The following TUT1 variants were observed in gnomAD, a reference collection of about 807,000 sequenced individuals.
TUT1 encodes the protein speckle targeted PIP5K1A-regulated poly(A) polymerase.
Under a neutral mutation model 48.8 loss-of-function variants are expected in TUT1, and 26 were observed. The observed-to-expected ratio is 0.53, with a 90% confidence interval of 0.39 to 0.74. The LOEUF (loss-of-function observed/expected upper bound fraction) is 0.74, where lower values mean the gene tolerates loss of function less well. TUT1 is among the 30% of genes least tolerant of loss of function. The probability of loss-of-function intolerance (pLI) is 0.00; values close to 1 mark genes in which losing one functional copy is unlikely to be tolerated. For missense variants in TUT1, 1,065 were observed against 1,114.8 expected (o/e 0.96, Z 0.64); for synonymous variants, 470 against 460.8 (o/e 1.02, Z -0.26).
chr11:62,586,930 C>G (rs1237887590), intron 2 of TUT1, among the ~76,000 whole-genome samples: 2 of 149,478 alleles, frequency 1.3e-5, no homozygotes, highest in East Asian at 2.0e-4. Context: ...GTCTCGAACT[C>G]CTGACCTTAG....
chr11:62,587,480 C>T (rs1347501538), intron 2 of TUT1, among the ~76,000 whole-genome samples: 1 of 152,148 alleles, frequency 6.6e-6, no homozygotes, highest in Non-Finnish European at 1.5e-5. Flanking sequence ...TGGACCTGGC[C>T]GACACTAACC....
In TUT1 at chr11:62,576,843, T is replaced by C. The variant is rs944215972; in HGVS notation, c.1381+64A>G. ...CATTCACAGAGCTGCTTGGTGTATC[T>C]AAGTGTGATGAAGAAGAGAGAGGAA... On this transcript the variant is annotated intron_variant, in intron 7 of 8. Coordinates refer to ENST00000476907, the MANE Select transcript of TUT1 (RefSeq NM_022830.3). The C allele has an allele frequency of 3.8e-6, 6 of 1,594,580 alleles. No homozygotes were observed. In the African/African-American group the frequency reaches 6.7e-5, roughly 18 times the overall value.
At chr11:62,587,387 G>A (rs1046497581) in intron 2 of TUT1, among the ~76,000 whole-genome samples, 5 of 152,038 alleles carry the variant, frequency 3.3e-5, no homozygotes, top group African/African-American at 9.7e-5. Context: ...CTCCATGTTG[G>A]TCAGGCTGAT....
At chr11:62,576,604 C>A (rs1402990832) in intron 8 of TUT1, 53 bp downstream of exon 8, 2 of 1,468,876 alleles carry the variant, frequency 1.4e-6, no homozygotes, top group Admixed American at 1.7e-5. Context: ...ATATATGTTA[C>A]CTACTGTTGA....
At chr11:62,581,042 G>A (rs1360284639) in intron 4 of TUT1, 64 bp downstream of exon 4, 2 of 1,287,748 alleles carry the variant, frequency 1.6e-6, no homozygotes, top group South Asian at 1.2e-5. Context: ...TAAAGGACTT[G>A]CCCACAGTCA....
intron 2 of TUT1, among the ~76,000 whole-genome samples, chr11:62,582,848 G>C (rs983487439): frequency 1.3e-4 from 20 of 151,318 alleles, no homozygotes; most frequent in African/African-American, 4.8e-4. Flanking sequence ...AATTCATGCA[G>C]CTGGGTGCAG....
chr11:62,589,252 C>A (rs773964886), intron 1 of TUT1, 31 bp from the exon 2 acceptor site: 14 of 1,607,348 alleles, frequency 8.7e-6, no homozygotes, highest in Non-Finnish European at 1.1e-5. Flanking sequence ...CAAAAACATG[C>A]AAAGCACTCT....
chr11:62,591,429 G>A lies in TUT1; in HGVS notation c.57C>T (p.Cys19=). 1 of 1,604,012 alleles carries A rather than the reference G, an allele frequency of 6.2e-7. No homozygotes were observed. Among genetic ancestry groups the A allele is most frequent in the Non-Finnish European group, 8.5e-7 (1 of 1,175,498 alleles). The change falls in exon 1 of 9, where the codon TGC becomes TGT. Residue 19 remains cysteine (C), a synonymous_variant. Coordinates refer to ENST00000476907, the MANE Select transcript of TUT1 (RefSeq NM_022830.3). ...ESLPRGGFRC[C]LCHVTTANRP... ...GGTTGGCTGTAGTAACGTGGCAGAG[G>A]CAGCAGCGGAACCCCCCACGCGGCA...
chr11:62,591,482 C>T lies in TUT1; in HGVS notation c.4G>A (p.Ala2Thr). MAAVDSDVESLP... is the reference protein window; with the variant it reads MTAVDSDVESLP... ...GATTCGACATCCGAATCCACCGCCG[C>T]CATAGCGACTCTCCTGTACCGACAA... Residue 2 changes from alanine (A) to threonine (T), a missense_variant, in exon 1 of 9, where the codon GCG (alanine) becomes ACG (threonine). Ala to Thr is a moderately conservative substitution (Grantham distance 58, BLOSUM62 0). Transcript: ENST00000476907. 2 of 1,611,830 alleles carry T rather than the reference C, an allele frequency of 1.2e-6. No homozygotes were observed. The highest frequency in any genetic ancestry group is 1.7e-6 in the Non-Finnish European group (2 of 1,178,970).
In TUT1 at chr11:62,591,338, C is replaced by T. The variant is rs558555050; in HGVS notation, c.82+66G>A. 46 of 1,492,528 alleles carry T rather than the reference C, an allele frequency of 3.1e-5. 1 individual carries two copies. The South Asian group carries it at 6.3e-4, about 20-fold the overall frequency. 92.5% of individuals were successfully genotyped at this position (1,492,528 alleles called of 1,614,324 possible). ...AACGACTGACTACCTATAACCCTAA[C>T]TTTCGCCAGGATCAAAAGACGAAAG... On this transcript the variant is annotated intron_variant, in intron 1 of 8. Transcript: ENST00000476907.
intron 2 of TUT1, among the ~76,000 whole-genome samples, chr11:62,582,129 C>T (rs1206630662): frequency 5.3e-5 from 8 of 152,012 alleles, no homozygotes; most frequent in Admixed American, 5.2e-4. Flanking sequence ...ATTACAGGCA[C>T]ATGCCACCAT....
In TUT1 at chr11:62,577,005, AG is replaced by A; in HGVS notation, c.1282del (p.Leu428PhefsTer7). The A allele has an allele frequency of 4.3e-6, 7 of 1,614,008 alleles. No individual in the cohort carries two copies. Among genetic ancestry groups the A allele is most frequent in the Non-Finnish European group, 5.9e-6 (7 of 1,179,972 alleles). On this transcript the variant is annotated frameshift_variant, in exon 7 of 9. Transcript: ENST00000476907. LOFTEE classifies it high-confidence loss of function. ...QGRGLSGSGP[L>X]LSNYALTLLV... ...CAAGGTCAGGGCGTAGTTACTGAGA[AG>A]GGGGCCACTCCCTGGGTAAATAAGC... is the stretch of plus-strand genomic sequence containing the variant.
intron 5 of TUT1, 71 bp downstream of exon 5, chr11:62,578,490 A>T (rs1335249317): frequency 2.1e-6 from 3 of 1,410,114 alleles, no homozygotes; most frequent in Non-Finnish European, 1.9e-6. Flanking sequence ...GGTTGCAGAG[A>T]GCCAAGATGG....
Position 62,575,102 on chromosome 11 carries a change from G to C in TUT1, c.2617C>G (p.Leu873Val), listed in dbSNP as rs781081708. 7.0e-6 allele frequency: 11 copies of C among 1,562,662 alleles called. No homozygotes were observed. The African/African-American group carries it at 1.5e-4, about 21-fold the overall frequency. Residue 873 changes from leucine (L) to valine (V), a missense_variant, in exon 9 of 9, where the codon CTC (leucine) becomes GTC (valine). Coordinates refer to ENST00000476907, the MANE Select transcript of TUT1 (RefSeq NM_022830.3). ...CTTCAGGGGCCATGTCTTCACTTGA[G>C]ATGTCGAATTGCTTGAGGGAGGAAA... ...QVFLPQAIRH[L>V]K
intron 2 of TUT1, among the ~76,000 whole-genome samples, chr11:62,587,073 C>T (rs1208971057): frequency 1.7e-5 from 2 of 118,302 alleles, no homozygotes; most frequent in Non-Finnish European, 3.4e-5. Flanking sequence ...CAGAATTCTA[C>T]CACAAAAAAA....
chr11:62,581,694 A>G lies in TUT1; in HGVS notation c.281T>C (p.Phe94Ser), dbSNP rs1941829610. 1 of 1,456,768 alleles carries G rather than the reference A, an allele frequency of 6.9e-7. No individual in the cohort carries two copies. The highest frequency in any genetic ancestry group is 1.4e-5 in the African/African-American group (1 of 69,772). The allele number at this position is 1,456,768 out of a possible 1,614,324, so 90.2% of individuals were successfully genotyped here. Residue 94 changes from phenylalanine to serine, a missense_variant, in exon 3 of 9, where the codon TTT becomes TCT. Physicochemically the swap from Phe to Ser is radical, Grantham distance 155 (BLOSUM62 -2). Coordinates refer to ENST00000476907, the MANE Select transcript of TUT1 (RefSeq NM_022830.3). The part of the protein sequence containing the change: ...SVVMDKDKGV[F>S]AIVEMGDVGA... ...CACGTCCCCCATCTCCACAATGGCAAACACTCCCTGGTAAACAACAGGGGC... is the reference window on the plus strand; with the variant it reads ...CACGTCCCCCATCTCCACAATGGCAGACACTCCCTGGTAAACAACAGGGGC...
At chr11:62,585,762 G>A (rs1230574492) in intron 2 of TUT1, among the ~76,000 whole-genome samples, 1 of 152,210 alleles carries the variant, frequency 6.6e-6, no homozygotes, top group East Asian at 1.9e-4. Flanking sequence ...TCGTGCCACT[G>A]CACTCCAGCC....
intron 6 of TUT1, 56 bp downstream of exon 6, chr11:62,577,125 TC>T (rs1941742322): frequency 6.3e-7 from 1 of 1,594,940 alleles, no homozygotes; most frequent in Non-Finnish European, 8.6e-7. Context: ...TCTCCCTGAA[TC>T]CCTGCCTTTG....
intron 4 of TUT1, among the ~76,000 whole-genome samples, chr11:62,579,876 G>C (rs1039554369): frequency 6.2e-5 from 9 of 146,240 alleles, no homozygotes; most frequent in African/African-American, 2.3e-4. Flanking sequence ...ATGTTGGCCA[G>C]GCTGGTCTCA....
Sources: allele counts gnomAD v4.1 joint callset (sites outside exome capture counted in the v4.1 genomes callset), GRCh38; gene constraint gnomAD v4.1.1; transcripts MANE v1.5; gene names NCBI Gene and HGNC (gene_info 2026-07-23, HGNC 2026-07-21).